ZFP28: variants seen among roughly 807,000 people sequenced by gnomAD.
The protein encoded by ZFP28 is zinc finger protein 28 homolog.
ZFP28 carries 31 observed loss-of-function variants against 39.5 expected under a neutral mutation model. That is an observed-to-expected ratio of 0.79 (90% CI 0.59 to 1.06). The LOEUF (loss-of-function observed/expected upper bound fraction) is 1.06, where lower values mean the gene tolerates loss of function less well. Among genes scored for constraint, ZFP28 ranks in the 50% least tolerant of loss-of-function variants. ZFP28 has a pLI of 0.00. For missense variants in ZFP28, 925 were observed against 1,048.4 expected, an observed-to-expected ratio of 0.88 and a Z score of 1.63; for synonymous variants, 400 against 378.6, an observed-to-expected ratio of 1.06 and a Z score of -0.66.
intron 7 of ZFP28, chr19:56,552,089 A>G: frequency 4.9e-6 from 3 of 611,506 alleles, no homozygotes; most frequent in Non-Finnish European, 6.1e-6. Flanking sequence ...ATTTAGTATT[A>G]TATGAATATA....
rs758997174 is a variant in ZFP28 at position 56,554,920 on chromosome 19, A to G, written c.2135A>G (p.Asp712Gly). 4 of 1,614,178 alleles carry G rather than the reference A, an allele frequency of 2.5e-6. No individual in the cohort carries two copies. In the South Asian group the frequency reaches 3.3e-5, roughly 13 times the overall value. Reference sequence around the variant, plus strand: ...ATGGAATGTGGGAAGGCCTTTGGTGATAACTCATCCTGTACTCAACATCAA... The same window carrying G: ...ATGGAATGTGGGAAGGCCTTTGGTGGTAACTCATCCTGTACTCAACATCAA... The part of the protein sequence containing the change: ...KCMECGKAFG[D>G]NSSCTQHQRL... The change falls in exon 8 of 8, where the codon GAT (aspartate) becomes GGT (glycine). Residue 712 changes from aspartate (D) to glycine (G), a missense_variant. Asp to Gly is a moderately conservative substitution (Grantham distance 94, BLOSUM62 -1). This residue lies in a region of ZFP28 where 369 missense variants were observed against 505.5 expected (regional missense o/e 0.73). Coordinates refer to ENST00000301318, the MANE Select transcript of ZFP28 (RefSeq NM_020828.2). The surrounding 1 kb of genome is among the most constrained non-coding windows in gnomAD (Gnocchi z 6.7).
At chr19:56,543,326 T>C (rs2044212076) in intron 2 of ZFP28, among the ~76,000 whole-genome samples, 1 of 147,780 alleles carries the variant, frequency 6.8e-6, no homozygotes, top group Non-Finnish European at 1.5e-5. Flanking sequence ...TGTTTATATA[T>C]TATATAGAAT....
At chr19:56,548,217 C>T (rs1302181357) in intron 4 of ZFP28, among the ~76,000 whole-genome samples, 1 of 152,180 alleles carries the variant, frequency 6.6e-6, no homozygotes, top group Non-Finnish European at 1.5e-5. Flanking sequence ...CTTGCATTGA[C>T]AACAGGACAA....
At chr19:56,538,879 G>A (rs2044163413), upstream of ZFP28, 1 of 620,062 alleles carries the variant, frequency 1.6e-6, no homozygotes. Context: ...GGGCGGGGCG[G>A]CTCCGCGGCG....
At chr19:56,548,740 C>T (rs974568600) in intron 4 of ZFP28, among the ~76,000 whole-genome samples, 15 of 152,102 alleles carry the variant, frequency 9.9e-5, no homozygotes, top group Non-Finnish European at 2.9e-5. Flanking sequence ...TTATTGTGGC[C>T]TTTAGGACTA....
intron 2 of ZFP28, among the ~76,000 whole-genome samples, chr19:56,543,972 T>C (rs948740132): frequency 8.5e-5 from 13 of 152,204 alleles, no homozygotes; most frequent in Non-Finnish European, 1.5e-4. Context: ...ATCTAATCAT[T>C]GCGTAACCTT....
rs777751776 is a variant in ZFP28 at position 56,555,027 on chromosome 19, C to T, written c.2242C>T (p.Arg748Cys). 9.9e-6 allele frequency: 16 copies of T among 1,614,066 alleles called. No homozygotes were observed. The highest frequency in any genetic ancestry group is 9.9e-5 in the South Asian group (9 of 91,080). The change falls in exon 8 of 8, where the codon CGC (arginine) becomes TGC (cysteine). Residue 748 changes from arginine (R) to cysteine (C), a missense_variant. Arg to Cys is a radical substitution (Grantham distance 180). Around this residue, in one of 2 missense-constraint regions of ZFP28, gnomAD observed 369 missense variants for 505.5 expected, o/e 0.73. Coordinates refer to ENST00000301318, the MANE Select transcript of ZFP28 (RefSeq NM_020828.2). Reference protein sequence around the residue: ...FKTKSSLICHRRSHTGEKPYE... With the variant: ...FKTKSSLICHCRSHTGEKPYE... Reference sequence around the variant, plus strand: ...GACAAAATCCTCCCTTATTTGTCATCGCAGAAGTCATACTGGAGAAAAACC... The same window carrying T: ...GACAAAATCCTCCCTTATTTGTCATTGCAGAAGTCATACTGGAGAAAAACC...
At chr19:56,549,621 G>C (rs1451078509) in intron 5 of ZFP28, among the ~76,000 whole-genome samples, 1 of 149,032 alleles carries the variant, frequency 6.7e-6, no homozygotes, top group Non-Finnish European at 1.5e-5. Context: ...AGCTTGCAGT[G>C]AGCCGAGATC....
At chr19:56,549,538 G>A (rs1333308675) in intron 5 of ZFP28, among the ~76,000 whole-genome samples, 2 of 152,078 alleles carry the variant, frequency 1.3e-5, no homozygotes, top group Non-Finnish European at 2.9e-5. Context: ...TTAGCCGGGC[G>A]TGCTGGCGGG....
Position 56,553,826 on chromosome 19 carries a change from G to C in ZFP28, c.1041G>C (p.Arg347Ser). ...GGGATTCTGACTATGTGTTTGGAAGGAAGCTTGCAGTAGGTCAAGAGACAC... is the reference window on the plus strand; with the variant it reads ...GGGATTCTGACTATGTGTTTGGAAGCAAGCTTGCAGTAGGTCAAGAGACAC... ...ENWDSDYVFGRKLAVGQETQF... is the reference protein window; with the variant it reads ...ENWDSDYVFGSKLAVGQETQF... The change falls in exon 8 of 8, where the codon AGG becomes AGC. Residue 347 changes from arginine to serine, a missense_variant. Arg to Ser is a moderately radical substitution (Grantham distance 110). Around this residue, in one of 2 missense-constraint regions of ZFP28, gnomAD observed 556 missense variants for 542.9 expected, o/e 1.02. Transcript: ENST00000301318. 6.2e-7 allele frequency: 1 copy of C among 1,614,150 alleles called. No individual in the cohort carries two copies. Among genetic ancestry groups the C allele is most frequent in the South Asian group, 1.1e-5 (1 of 91,086 alleles).
intron 4 of ZFP28, among the ~76,000 whole-genome samples, 185 bp downstream of exon 4, chr19:56,548,087 A>G: frequency 6.6e-6 from 1 of 152,216 alleles, no homozygotes. Flanking sequence ...TTATTAAGAC[A>G]AGGAATTAGA....
At chr19:56,550,865 A>G (rs2044294963) in intron 7 of ZFP28, 6 of 1,447,754 alleles carry the variant, frequency 4.1e-6, no homozygotes, top group Non-Finnish European at 5.4e-6. Context: ...TCCTTAAATG[A>G]TCTTTTCTGG....
rs749147033 is a variant in ZFP28, at chr19:56,549,015, G to A, written c.581G>A (p.Gly194Glu). 7 of 1,613,966 alleles carry A rather than the reference G, an allele frequency of 4.3e-6. No homozygotes were observed. The highest frequency in any genetic ancestry group is 4.2e-6 in the Non-Finnish European group (5 of 1,180,012). Reference protein sequence around the residue: ...ELPLKKDFCEGKLSQAVITER... With the variant: ...ELPLKKDFCEEKLSQAVITER... ...CCTCTCAAGAAGGACTTCTGCGAAGGAAAGCTATCCCAGGCAGTGATAACA... is the reference window on the plus strand; with the variant it reads ...CCTCTCAAGAAGGACTTCTGCGAAGAAAAGCTATCCCAGGCAGTGATAACA... Residue 194 changes from glycine (G) to glutamate (E), a missense_variant, in exon 5 of 8, where the codon GGA becomes GAA. Around this residue, in one of 2 missense-constraint regions of ZFP28, gnomAD observed 556 missense variants for 542.9 expected, o/e 1.02. Coordinates refer to ENST00000301318, the MANE Select transcript of ZFP28 (RefSeq NM_020828.2).
rs2044325996 is a variant in ZFP28 at position 56,553,847 on chromosome 19, G to C, written c.1062G>C (p.Glu354Asp). The C allele has an allele frequency of 1.2e-6, 2 of 1,613,974 alleles. No individual in the cohort carries two copies. The highest frequency in any genetic ancestry group is 1.3e-5 in the African/African-American group (1 of 74,898). Residue 354 changes from glutamate to aspartate, a missense_variant, in exon 8 of 8, where the codon GAG becomes GAC. By Grantham distance (45) the Glu-to-Asp change is conservative. This residue lies in a region of ZFP28 where 556 missense variants were observed against 542.9 expected (regional missense o/e 1.02). Coordinates refer to ENST00000301318, the MANE Select transcript of ZFP28 (RefSeq NM_020828.2). The part of the protein sequence containing the change: ...VFGRKLAVGQ[E>D]TQFRQEPITH... ...GAAGGAAGCTTGCAGTAGGTCAAGA[G>C]ACACAATTCAGGCAAGAGCCAATTA...
chr19:56,539,606 C>T lies in ZFP28; in HGVS notation c.209-19C>T. The T allele has an allele frequency of 6.2e-7, 1 of 1,608,244 alleles. No homozygotes were observed. The highest frequency in any genetic ancestry group is 8.5e-7 in the Non-Finnish European group (1 of 1,174,940). ...ACTGTGGTGTAGACCTGGTCTCTAG[C>T]TACTCCTTTCTCTTTCAGCTCTGCC... On this transcript the variant is annotated intron_variant, in intron 1 of 7. Transcript: ENST00000301318.
chr19:56,539,864 C>T (rs1163882694), intron 2 of ZFP28, 148 bp downstream of exon 2: 3 of 672,256 alleles, frequency 4.5e-6, no homozygotes, highest in Non-Finnish European at 7.4e-6. Flanking sequence ...TGATGGGCTA[C>T]GGGGAAAAGT....
intron 2 of ZFP28, chr19:56,545,827 G>C (rs1045107116): frequency 6.6e-6 from 1 of 152,186 alleles, no homozygotes; most frequent in Non-Finnish European, 1.5e-5. Flanking sequence ...GAACTTGAAG[G>C]CTACATTATC....
At chr19:56,550,310 G>A (rs1230730537) in intron 6 of ZFP28, 129 bp downstream of exon 6, 5 of 1,029,894 alleles carry the variant, frequency 4.9e-6, no homozygotes, top group Non-Finnish European at 7.0e-6. Context: ...GGATTCCTAA[G>A]ATAAGAATTT....
At chr19:56,549,507 C>G (rs1205788447) in intron 5 of ZFP28, among the ~76,000 whole-genome samples, 1 of 152,092 alleles carries the variant, frequency 6.6e-6, no homozygotes, top group Non-Finnish European at 1.5e-5. Flanking sequence ...GAAACCCTGT[C>G]TCTACTAAAA....
Sources: gnomAD v4.1 joint callset for allele counts (sites outside exome capture counted in the v4.1 genomes callset) on GRCh38, gnomAD v4.1.1 for gene constraint, gnomAD v4.1.1 regional missense constraint, Gnocchi (gnomAD v3.1) non-coding constraint, MANE v1.5 for transcripts, NCBI Gene and HGNC (gene_info 2026-07-23, HGNC 2026-07-21) for gene names.